The following AK8 variants were observed in gnomAD, a reference collection of about 807,000 sequenced individuals.
The protein encoded by AK8 is adenylate kinase 8, also known as ATP-AMP transphosphorylase 8.
Under a neutral mutation model 54.6 loss-of-function variants are expected in AK8, and 44 were observed. That is an observed-to-expected ratio of 0.81 (90% CI 0.63 to 1.04). The LOEUF is 1.04. AK8 is among the 50% of genes least tolerant of loss of function. AK8 has a pLI of 0.00. For synonymous variants in AK8, 239 were observed against 245.6 expected (o/e 0.97, Z 0.25); for missense variants, 555 against 613.6 (o/e 0.90, Z 1.01).
intron 11 of AK8, among the ~76,000 whole-genome samples, chr9:132,746,231 C>A (rs1837647400): frequency 6.6e-6 from 1 of 152,204 alleles, no homozygotes; most frequent in African/African-American, 2.4e-5. Flanking sequence ...CACACACACA[C>A]ATAGACACAC....
chr9:132,728,866 C>T (rs546592877), intron 11 of AK8, among the ~76,000 whole-genome samples: 9 of 152,038 alleles, frequency 5.9e-5, no homozygotes, highest in African/African-American at 1.7e-4. Flanking sequence ...TCCCCACCCC[C>T]CTTTTTAGGG....
chr9:132,750,941 T>C (rs1748722606), intron 11 of AK8, among the ~76,000 whole-genome samples: 1 of 152,008 alleles, frequency 6.6e-6, no homozygotes, highest in African/African-American at 2.4e-5. Flanking sequence ...TAACTGCCTA[T>C]GGAAAAGAAC....
Position 132,826,831 on chromosome 9 carries a change from TG to T in AK8, c.757+22del, listed in dbSNP as rs1841887685. ...CCCGCCCTTGGCCGTCTGTCCAGGG[TG>T]GGGCTGCCTGCTTGTGTTTACCCTG... On this transcript the variant is annotated intron_variant, in intron 8 of 12. Transcript: ENST00000298545. This position sits in a 1 kb window ranked among gnomAD's most constrained non-coding sequence, Gnocchi z 4.5. 3.7e-6 allele frequency: 6 copies of T among 1,612,142 alleles called. No homozygotes were observed. The highest frequency in any genetic ancestry group is 5.1e-6 in the Non-Finnish European group (6 of 1,178,206).
At chr9:132,753,487 C>T (rs1477917420) in intron 11 of AK8, among the ~76,000 whole-genome samples, 1 of 152,212 alleles carries the variant, frequency 6.6e-6, no homozygotes, top group African/African-American at 2.4e-5. Flanking sequence ...GAGACGATGG[C>T]TTTATTTGGG....
At chr9:132,774,990 A>G (rs1248558752) in intron 11 of AK8, among the ~76,000 whole-genome samples, 1 of 152,230 alleles carries the variant, frequency 6.6e-6, no homozygotes, top group Non-Finnish European at 1.5e-5. Context: ...AGGTAGGCAA[A>G]GAGAAGTCTT....
At chr9:132,836,573 G>T (rs1374843427) in intron 5 of AK8, among the ~76,000 whole-genome samples, 1 of 152,108 alleles carries the variant, frequency 6.6e-6, no homozygotes, top group Non-Finnish European at 1.5e-5. Flanking sequence ...TTTGAAACTG[G>T]GGTCTTGCTA....
At chr9:132,746,050 G>A (rs1837633251) in intron 11 of AK8, among the ~76,000 whole-genome samples, 1 of 152,196 alleles carries the variant, frequency 6.6e-6, no homozygotes, top group South Asian at 2.1e-4. Flanking sequence ...CAACGGGGAT[G>A]TCGAGTTTAG....
chr9:132,828,153 A>T, intron 6 of AK8, 69 bp from the exon 7 acceptor site: 1 of 1,358,394 alleles, frequency 7.4e-7, no homozygotes, highest in South Asian at 1.3e-5. Flanking sequence ...TGAATATCAC[A>T]GACCAATACT....
At chr9:132,873,187 A>C (rs1843933016) in intron 2 of AK8, among the ~76,000 whole-genome samples, 1 of 152,204 alleles carries the variant, frequency 6.6e-6, no homozygotes, top group Non-Finnish European at 1.5e-5. Context: ...TAATTTAGAA[A>C]AATCTATTAA....
chr9:132,871,640 C>T (rs1012962879), intron 2 of AK8, among the ~76,000 whole-genome samples: 3 of 152,166 alleles, frequency 2.0e-5, no homozygotes, highest in Admixed American at 6.5e-5. Flanking sequence ...AGAGACGGCA[C>T]GAGGCAGGTC....
intron 5 of AK8, among the ~76,000 whole-genome samples, chr9:132,840,449 A>C (rs796952464): frequency 1.1e-4 from 16 of 139,452 alleles, no homozygotes; most frequent in Non-Finnish European, 2.2e-4. Context: ...CACACACACA[A>C]GGCAAGTGAA....
chr9:132,859,331 T>C (rs1246982708), intron 4 of AK8, among the ~76,000 whole-genome samples: 1 of 152,078 alleles, frequency 6.6e-6, no homozygotes, highest in Non-Finnish European at 1.5e-5. Flanking sequence ...CATGGCTCAC[T>C]GCAGCCTCCA....
At chr9:132,868,228 A>G (rs1457957931) in intron 2 of AK8, among the ~76,000 whole-genome samples, 1 of 152,256 alleles carries the variant, frequency 6.6e-6, no homozygotes, top group Non-Finnish European at 1.5e-5. Context: ...GGAGGCAGAC[A>G]GAGAAAAGGA....
chr9:132,757,672 C>T (rs1331844355), intron 11 of AK8, among the ~76,000 whole-genome samples: 1 of 152,198 alleles, frequency 6.6e-6, no homozygotes, highest in Admixed American at 6.5e-5. Flanking sequence ...GATCTGGTTC[C>T]TGTTTCCAGG....
chr9:132,802,712 C>T (rs1840523171), intron 10 of AK8, among the ~76,000 whole-genome samples: 1 of 152,192 alleles, frequency 6.6e-6, no homozygotes, highest in African/African-American at 2.4e-5. Context: ...GACGCCAGAA[C>T]TGAGATCCAG....
intron 10 of AK8, among the ~76,000 whole-genome samples, chr9:132,812,387 C>T (rs1841059557): frequency 6.7e-6 from 1 of 148,536 alleles, no homozygotes; most frequent in African/African-American, 2.5e-5. Context: ...CCCACCACCA[C>T]ACGTGGCTAA....
intron 10 of AK8, 133 bp downstream of exon 10, chr9:132,814,505 A>G: frequency 1.2e-6 from 1 of 840,984 alleles, no homozygotes; most frequent in Non-Finnish European, 1.8e-6. Flanking sequence ...GCCTTTGCTT[A>G]CAAGAAAACC....
chr9:132,725,993 T>C, intron 12 of AK8, 68 bp from the exon 13 acceptor site: 2 of 1,450,986 alleles, frequency 1.4e-6, no homozygotes, highest in Non-Finnish European at 1.9e-6. Flanking sequence ...AGGGACCCTC[T>C]ACTCTACTGT....
At chr9:132,738,792 C>T (rs114564119) in intron 11 of AK8, among the ~76,000 whole-genome samples, 4,322 of 149,584 alleles carry the variant, frequency 0.029, 206 homozygotes, top group African/African-American at 0.1. Context: ...CTCACTCTGC[C>T]CCCCCAGGCT....
Sources: gnomAD v4.1 joint callset for allele counts (sites outside exome capture counted in the v4.1 genomes callset) on GRCh38, gnomAD v4.1.1 for gene constraint, Gnocchi (gnomAD v3.1) non-coding constraint, MANE v1.5 for transcripts, NCBI Gene and HGNC (gene_info 2026-07-23, HGNC 2026-07-21) for gene names.